Variants in SGSM1 observed in about 807,000 individuals in gnomAD.
SGSM1 encodes the protein RUN and TBC1 domain containing 2.
A neutral mutation model predicts 133.8 loss-of-function variants in SGSM1; 73 were observed. The observed-to-expected ratio is 0.55, with a 90% CI of 0.45 to 0.66. The LOEUF is 0.66. SGSM1 is among the 30% of genes least tolerant of loss of function. The pLI is 0.00. For missense variants in SGSM1, 1,213 were observed against 1,448.1 expected (o/e 0.84, Z 2.64); for synonymous variants, 563 against 573.0 (o/e 0.98, Z 0.25).
At chr22:24,912,433 C>T (rs538194000) in intron 21 of SGSM1, among the ~76,000 whole-genome samples, 1 of 152,252 alleles carries the variant, frequency 6.6e-6, no homozygotes, top group East Asian at 1.9e-4. Flanking sequence ...AATCCCAGTA[C>T]TTTGGGAGGC....
intron 21 of SGSM1, among the ~76,000 whole-genome samples, chr22:24,909,174 A>G (rs1242854887): frequency 6.6e-6 from 1 of 152,184 alleles, no homozygotes; most frequent in Admixed American, 6.5e-5. Context: ...AGTTTCATCC[A>G]GAAACCATCC....
In SGSM1 at chr22:24,883,071, A is replaced by ATT. The variant is rs756077282; in HGVS notation, c.1496-969_1496-968dup. 7.2e-3 allele frequency among the ~76,000 whole-genome samples: 1,004 copies of ATT among 139,130 alleles called. 24 individuals are homozygous for ATT. In the East Asian group the frequency reaches 0.088, roughly 12 times the overall value. The allele number at this position is 139,130 out of a possible 152,430, so 91.3% of individuals were successfully genotyped here. ...GGCCACCATGAGCTAATTTTTTTGT[A>ATT]TTTTTTTTTTTTTTAGTAGAGACGG... On this transcript the variant is annotated intron_variant, in intron 14 of 24. Coordinates refer to ENST00000400358, the MANE Select transcript of SGSM1 (RefSeq NM_001098497.3).
chr22:24,880,291 C>T (rs567847886), intron 14 of SGSM1, among the ~76,000 whole-genome samples: 21 of 152,254 alleles, frequency 1.4e-4, no homozygotes, highest in Non-Finnish European at 2.6e-4. Flanking sequence ...CCCGCCACCA[C>T]ACCCAGCTAA....
intron 2 of SGSM1, chr22:24,813,806 A>G (rs1024543632): frequency 1.3e-5 from 2 of 152,162 alleles, no homozygotes; most frequent in African/African-American, 2.4e-5. Context: ...CTCTTGTACC[A>G]TATGGCTGGG....
At chr22:24,818,241 A>T (rs4822546) in intron 2 of SGSM1, among the ~76,000 whole-genome samples, 84,671 of 150,838 alleles carry the variant, frequency 0.56, 24,225 homozygotes, top group Admixed American at 0.65. Context: ...CAAAAAAAAA[A>T]AAAATAAAAT....
chr22:24,898,467 A>T lies in SGSM1; in HGVS notation c.2518A>T (p.Met840Leu), dbSNP rs957456608. The T allele has an allele frequency of 9.9e-6, 16 of 1,613,748 alleles. No homozygotes were observed. In the African/African-American group the frequency reaches 2.0e-4, roughly 20 times the overall value. Residue 840 changes from methionine to leucine, a missense_variant, in exon 19 of 25, where the codon ATG becomes TTG. Physicochemically the swap from Met to Leu is conservative, Grantham distance 15 (BLOSUM62 2). Transcript: ENST00000400358. ...SEDNLSEEPE[M>L]ESLFPALASL... ...GGACAACCTCTCGGAGGAGCCTGAGATGGAAAGTCTCTTCCCTGCCCTGGC... is the reference window on the plus strand; with the variant it reads ...GGACAACCTCTCGGAGGAGCCTGAGTTGGAAAGTCTCTTCCCTGCCCTGGC...
intron 2 of SGSM1, among the ~76,000 whole-genome samples, chr22:24,809,841 G>A (rs770796173): frequency 6.6e-6 from 1 of 152,160 alleles, no homozygotes; most frequent in Non-Finnish European, 1.5e-5. Flanking sequence ...AGGCACCCGG[G>A]GCTGCAAGAA....
intron 2 of SGSM1, among the ~76,000 whole-genome samples, chr22:24,834,052 C>T (rs1929282485): frequency 6.6e-6 from 1 of 152,248 alleles, no homozygotes; most frequent in South Asian, 2.1e-4. Context: ...CCTCTGCTCA[C>T]TATGAGGGAG....
rs772024107 is a variant in SGSM1 at position 24,919,941 on chromosome 22, C to A, written c.3141C>A (p.Asp1047Glu). The A allele has an allele frequency of 6.2e-7, 1 of 1,613,670 alleles. No individual in the cohort carries two copies. The highest frequency in any genetic ancestry group is 1.7e-5 in the Admixed American group (1 of 59,938). ...TGGCTCTGGTGGAAGTCTACCGTGA[C>A]ATCATTTTGGAGAACAACATGGATT... is the stretch of plus-strand genomic sequence containing the variant. ...IALALVEVYRDIILENNMDFT... is the reference protein window; with the variant it reads ...IALALVEVYREIILENNMDFT... The change falls in exon 24 of 25, where the codon GAC becomes GAA. Residue 1047 changes from aspartate (D) to glutamate (E), a missense_variant. Coordinates refer to ENST00000400358, the MANE Select transcript of SGSM1 (RefSeq NM_001098497.3).
chr22:24,859,609 C>A, intron 8 of SGSM1, 107 bp from the exon 9 acceptor site: 2 of 1,493,170 alleles, frequency 1.3e-6, no homozygotes, highest in Non-Finnish European at 1.8e-6. Context: ...AAGGGATTAA[C>A]CCAACCTCTT....
At chr22:24,820,343 A>G (rs1299406030) in intron 2 of SGSM1, among the ~76,000 whole-genome samples, 1 of 152,122 alleles carries the variant, frequency 6.6e-6, no homozygotes, top group Non-Finnish European at 1.5e-5. Context: ...CTTCCAGGTC[A>G]TGGCAGGTTG....
chr22:24,857,047 C>T (rs557034616), intron 8 of SGSM1, among the ~76,000 whole-genome samples: 3 of 151,882 alleles, frequency 2.0e-5, no homozygotes, highest in Non-Finnish European at 2.9e-5. Context: ...GGATTACAGG[C>T]GTGAGCCACT....
At chr22:24,814,559 A>C (rs1334827336) in intron 2 of SGSM1, among the ~76,000 whole-genome samples, 1 of 151,826 alleles carries the variant, frequency 6.6e-6, no homozygotes, top group Non-Finnish European at 1.5e-5. Context: ...GGAGAAGGCC[A>C]CAACAGCAAG....
intron 2 of SGSM1, among the ~76,000 whole-genome samples, chr22:24,839,936 T>C (rs564671420): frequency 0.19 from 26,134 of 137,136 alleles, 2,424 homozygotes; most frequent in Non-Finnish European, 0.23. Context: ...ATCTCTCTTT[T>C]TTTTTTTTTT....
chr22:24,890,289 T>C (rs1932793150), intron 16 of SGSM1, among the ~76,000 whole-genome samples: 1 of 152,164 alleles, frequency 6.6e-6, no homozygotes, highest in South Asian at 2.1e-4. Context: ...TATTTTCAAC[T>C]TATGATGCAT....
At chr22:24,832,726 T>G (rs1929190454) in intron 2 of SGSM1, among the ~76,000 whole-genome samples, 1 of 152,162 alleles carries the variant, frequency 6.6e-6, no homozygotes, top group Admixed American at 6.5e-5. Flanking sequence ...AGGGCTGCCC[T>G]TACGGTACAC....
chr22:24,850,233 G>C (rs971201981), intron 4 of SGSM1, 47 bp from the exon 5 acceptor site: 1 of 1,538,850 alleles, frequency 6.5e-7, no homozygotes, highest in Non-Finnish European at 8.8e-7. Context: ...GTCCTGTGTA[G>C]ATTTGCTCTT....
chr22:24,809,628 A>G (rs888122917), intron 2 of SGSM1, among the ~76,000 whole-genome samples: 2 of 152,122 alleles, frequency 1.3e-5, no homozygotes, highest in East Asian at 1.9e-4. Flanking sequence ...CTGGATTCCA[A>G]CCCCAGATGT....
intron 2 of SGSM1, among the ~76,000 whole-genome samples, chr22:24,841,131 T>A (rs1200118196): frequency 1.3e-5 from 2 of 152,246 alleles, no homozygotes; most frequent in African/African-American, 4.8e-5. Flanking sequence ...ATTACAGGCG[T>A]GAGCCACCGT....
Sources: allele counts gnomAD v4.1 joint callset (sites outside exome capture counted in the v4.1 genomes callset), GRCh38; gene constraint gnomAD v4.1.1; transcripts MANE v1.5; gene names NCBI Gene and HGNC (gene_info 2026-07-23, HGNC 2026-07-21).